The following MYH15 variants were observed in gnomAD, a reference collection of about 807,000 sequenced individuals.
The protein encoded by MYH15 is myosin-15.
MYH15 carries 227 observed loss-of-function variants against 240.5 expected under a neutral mutation model. That is an observed-to-expected ratio of 0.94 (90% CI 0.85 to 1.05). MYH15 has a LOEUF of 1.05. MYH15 is among the 50% of genes least tolerant of loss of function. The pLI is 0.00. For synonymous variants in MYH15, 785 were observed against 796.7 expected, an observed-to-expected ratio of 0.99 and a Z score of 0.25; for missense variants, 2,217 against 2,247.5, an observed-to-expected ratio of 0.99 and a Z score of 0.27.
At chr3:108,514,457 C>A (rs1412331899), upstream of MYH15, among the ~76,000 whole-genome samples, 1 of 152,164 alleles carries the variant, frequency 6.6e-6, no homozygotes, top group Non-Finnish European at 1.5e-5. Flanking sequence ...TATATTCATG[C>A]AATATATATG....
intron 4 of MYH15, 23 bp downstream of exon 4, chr3:108,500,095 C>T (rs374973708): frequency 1.1e-5 from 17 of 1,604,220 alleles, no homozygotes; most frequent in Non-Finnish European, 1.4e-5. Context: ...TTTTACTTTT[C>T]ATTTTGTAGG....
chr3:108,414,476 C>A, intron 29 of MYH15, 48 bp from the exon 30 acceptor site: 2 of 1,519,162 alleles, frequency 1.3e-6, no homozygotes, highest in South Asian at 1.2e-5. Flanking sequence ...CCATGAGCAA[C>A]ACAAGTCTTG....
upstream of MYH15, among the ~76,000 whole-genome samples, chr3:108,531,205 T>A (rs922649920): frequency 6.6e-6 from 1 of 152,050 alleles, no homozygotes; most frequent in Non-Finnish European, 1.5e-5. Context: ...CTAAAACCAG[T>A]GGGAATACAA....
chr3:108,459,246 T>C (rs2083050656), intron 18 of MYH15, 116 bp downstream of exon 18: 1 of 649,620 alleles, frequency 1.5e-6, no homozygotes, highest in Non-Finnish European at 2.5e-6. Context: ...CATTTTTCTA[T>C]ATGAAATTCT....
intron 7 of MYH15, among the ~76,000 whole-genome samples, chr3:108,493,472 G>C (rs2083369021): frequency 6.6e-6 from 1 of 152,172 alleles, no homozygotes; most frequent in South Asian, 2.1e-4. Flanking sequence ...GTATTCTTGT[G>C]GGCATTGTGA....
At chr3:108,473,256 G>T (rs996139865) in intron 12 of MYH15, among the ~76,000 whole-genome samples, 1 of 152,082 alleles carries the variant, frequency 6.6e-6, no homozygotes, top group Admixed American at 6.5e-5. Flanking sequence ...TGATCCACCC[G>T]CCTCGGCCTC....
At chr3:108,392,825 G>C (rs77866858) in intron 36 of MYH15, among the ~76,000 whole-genome samples, 1 of 152,278 alleles carries the variant, frequency 6.6e-6, no homozygotes, top group East Asian at 1.9e-4. Context: ...TATCAAACAG[G>C]AGCAGCTATT....
intron 32 of MYH15, among the ~76,000 whole-genome samples, chr3:108,406,773 G>C (rs1031438411): frequency 1.3e-5 from 2 of 152,182 alleles, no homozygotes; most frequent in Non-Finnish European, 2.9e-5. Flanking sequence ...TTGCCATCTA[G>C]TGGTACTAAG....
At position 108,383,575 on chromosome 3, in the gene MYH15, G is replaced by A. The variant is rs2082359009; in HGVS notation, c.5766+20C>T. Reference sequence around the variant, plus strand: ...CAAACATGATTAAAGAGTTAGAACAGAGTTGAATATCTGCCATACCTTTTT... The same window carrying A: ...CAAACATGATTAAAGAGTTAGAACAAAGTTGAATATCTGCCATACCTTTTT... On this transcript the variant is annotated intron_variant, in intron 40 of 40. Transcript: ENST00000693548. 2 of 1,611,030 alleles carry A rather than the reference G, an allele frequency of 1.2e-6. No homozygotes were observed. Among genetic ancestry groups the A allele is most frequent in the Middle Eastern group, 1.7e-4 (1 of 6,034 alleles).
intron 33 of MYH15, among the ~76,000 whole-genome samples, chr3:108,400,957 T>A (rs1280890058): frequency 6.6e-6 from 1 of 152,098 alleles, no homozygotes; most frequent in Non-Finnish European, 1.5e-5. Context: ...TGGAAATGTA[T>A]AGAAAATAAC....
the MYH15 span, among the ~76,000 whole-genome samples, chr3:108,539,182 T>C: frequency 6.6e-6 from 1 of 152,198 alleles, no homozygotes; most frequent in South Asian, 2.1e-4. Flanking sequence ...TGTTTCAATT[T>C]AATAAATTTA....
rs1394659291 is a variant in MYH15 at position 108,498,067 on chromosome 3, T to C, written c.603A>G (p.Glu201=). 3 of 1,614,086 alleles carry C rather than the reference T, an allele frequency of 1.9e-6. No homozygotes were observed. Among genetic ancestry groups the C allele is most frequent in the Non-Finnish European group, 2.5e-6 (3 of 1,179,946 alleles). Reference sequence around the variant, plus strand: ...AAACACTTACCTGCTTTTTCCTGGATTCAATCATGGCTGCTATGGTGGCAA... The same window carrying C: ...AAACACTTACCTGCTTTTTCCTGGACTCAATCATGGCTGCTATGGTGGCAA... The part of the protein sequence containing the change: ...QYFATIAAMI[E]SRKKQGALED... The change falls in exon 6 of 41, where the codon GAA becomes GAG. Residue 201 remains glutamate, a synonymous_variant. Coordinates refer to ENST00000693548, the MANE Select transcript of MYH15 (RefSeq NM_014981.3).
At chr3:108,435,172 C>T (rs533547008) in intron 25 of MYH15, among the ~76,000 whole-genome samples, 18 of 152,206 alleles carry the variant, frequency 1.2e-4, no homozygotes, top group African/African-American at 4.1e-4. Context: ...TTGGCGTTTG[C>T]CACATGTTTA....
chr3:108,395,942 A>G (rs1383743412), intron 35 of MYH15, among the ~76,000 whole-genome samples: 1 of 152,196 alleles, frequency 6.6e-6, no homozygotes, highest in African/African-American at 2.4e-5. Context: ...TAGTCTTTCT[A>G]TGAGCAGTAG....
chr3:108,485,756 C>A (rs1869506), intron 10 of MYH15, among the ~76,000 whole-genome samples: 18,143 of 152,160 alleles, frequency 0.12, 1,340 homozygotes, highest in East Asian at 0.39. Flanking sequence ...AAAATTGGTA[C>A]AATCTTTCTA....
At chr3:108,410,311 T>C (rs1002067899) in intron 31 of MYH15, among the ~76,000 whole-genome samples, 8 of 152,260 alleles carry the variant, frequency 5.3e-5, no homozygotes, top group African/African-American at 1.9e-4. Context: ...ATGGAAAATC[T>C]TGGTACGGTT....
chr3:108,470,720 A>T lies in MYH15; in HGVS notation c.1361T>A (p.Ile454Asn), dbSNP rs1271858882. The change falls in exon 13 of 41, where the codon ATC becomes AAC. Residue 454 changes from isoleucine to asparagine, a missense_variant. Physicochemically the swap from Ile to Asn is moderately radical, Grantham distance 149. Coordinates refer to ENST00000693548, the MANE Select transcript of MYH15 (RefSeq NM_014981.3). The stretch of plus-strand genomic sequence containing the variant: ...TACCTCAAGGATTTCAAAACCAGTG[A>T]TGTCAAGAATGCCAATGAAGAACTG... ...SRQFFIGILD[I>N]TGFEILEYNS... The T allele has an allele frequency of 1.9e-6, 3 of 1,613,772 alleles. No homozygotes were observed. The East Asian group carries it at 6.7e-5, about 36-fold the overall frequency.
At chr3:108,451,811 AAAGT>A (rs1323007357) in intron 21 of MYH15, among the ~76,000 whole-genome samples, 1 of 152,288 alleles carries the variant, frequency 6.6e-6, no homozygotes, top group East Asian at 1.9e-4. Context: ...TTTCTTAACC[AAAGT>A]AAGTTTAACA....
chr3:108,539,396 T>G, the MYH15 span, among the ~76,000 whole-genome samples: 2 of 152,150 alleles, frequency 1.3e-5, no homozygotes, highest in Non-Finnish European at 2.9e-5. Flanking sequence ...TGTTCAATGT[T>G]ATATATATGG....
Sources: gnomAD v4.1 joint callset for allele counts (sites outside exome capture counted in the v4.1 genomes callset) on GRCh38, gnomAD v4.1.1 for gene constraint, MANE v1.5 for transcripts, NCBI Gene and HGNC (gene_info 2026-07-23, HGNC 2026-07-21) for gene names.